A2M: variants seen among roughly 807,000 people sequenced by gnomAD.
The protein encoded by A2M is alpha-2-macroglobulin.
Under a neutral mutation model 183.9 loss-of-function variants are expected in A2M, and 128 were observed. The observed-to-expected ratio is 0.70, with a 90% CI of 0.60 to 0.81. The LOEUF is 0.81. A2M is among the 30% of genes least tolerant of loss of function. A2M has a pLI of 0.00. For missense variants in A2M, 1,495 were observed against 1,787.6 expected, an observed-to-expected ratio of 0.84 and a Z score of 2.95; for synonymous variants, 592 against 670.8, an observed-to-expected ratio of 0.88 and a Z score of 1.81.
Position 9,101,486 on chromosome 12 carries a change from G to T in A2M, c.1455C>A (p.Gly485=). 3 of 1,613,880 alleles carry T rather than the reference G, an allele frequency of 1.9e-6. No individual in the cohort carries two copies. Among genetic ancestry groups the T allele is most frequent in the Non-Finnish European group, 2.5e-6 (3 of 1,179,852 alleles). ...AGAGCTTCTTCAGCCCCAGCAGGGT[G>T]CCTCCATTCAGAATATAATGTGCCT... ...TVQAHYILNG[G]TLLGLKKLSF... The change falls in exon 12 of 36, where the codon GGC becomes GGA. Residue 485 remains glycine (G), a synonymous_variant. Transcript: ENST00000318602.
rs778604418 is a variant in A2M at position 9,112,203 on chromosome 12, G to A, written c.439C>T (p.Arg147Cys). Residue 147 changes from arginine (R) to cysteine (C), a missense_variant, in exon 4 of 36, where the codon CGT becomes TGT. Transcript: ENST00000318602. Reference sequence around the variant, plus strand: ...AAGTTTTCATCCATGGAGACAACACGAAATTTCACTGAAACAGAAATATTT... The same window carrying A: ...AAGTTTTCATCCATGGAGACAACACAAAATTTCACTGAAACAGAAATATTT... ...IYKPGQTVKF[R>C]VVSMDENFHP... 2.9e-5 allele frequency: 46 copies of A among 1,613,710 alleles called. No homozygotes were observed. Among genetic ancestry groups the A allele is most frequent in the Middle Eastern group, 1.6e-4 (1 of 6,062 alleles).
At chr12:9,080,019 T>G in intron 23 of A2M, 75 bp downstream of exon 23, 1 of 1,050,660 alleles carries the variant, frequency 9.5e-7, no homozygotes, top group Non-Finnish European at 1.3e-6. Flanking sequence ...TTATTTTTAG[T>G]AAATATTTAT....
Position 9,095,916 on chromosome 12 carries a change from C to T in A2M, c.1852-216G>A, listed in dbSNP as rs376894163. 6.0e-3 allele frequency among the ~76,000 whole-genome samples: 914 copies of T among 151,156 alleles called. 10 individuals carry two copies. Among genetic ancestry groups the T allele is most frequent in the African/African-American group, 0.021 (865 of 41,182 alleles). ...CTGGGACTACAGGCGCCCGCCACCG[C>T]GCCCGGCTAATTTTTTGTATTTTTA... On this transcript the variant is annotated intron_variant, in intron 15 of 35. Coordinates refer to ENST00000318602, the MANE Select transcript of A2M (RefSeq NM_000014.6).
At chr12:9,094,238 C>T (rs898824541) in intron 17 of A2M, among the ~76,000 whole-genome samples, 3 of 150,746 alleles carry the variant, frequency 2.0e-5, no homozygotes, top group Admixed American at 6.6e-5. Context: ...TATTCTCTAT[C>T]GTGTCAGAAG....
chr12:9,069,806 C>A lies in A2M; in HGVS notation c.4202G>T (p.Arg1401Ile). Residue 1401 changes from arginine to isoleucine, a missense_variant, in exon 33 of 36, where the codon AGA (arginine) becomes ATA (isoleucine). Transcript: ENST00000318602. ...PLKPTVKMLE[R>I]SNHVSRTEVS... is the part of the protein sequence containing the mutation. ...TTCTGTCCGGCTCACATGGTTAGAT[C>A]TTTCAAGCTGAAGAAAATTGAAATA... 6.2e-7 allele frequency: 1 copy of A among 1,613,440 alleles called. No individual in the cohort carries two copies. Among genetic ancestry groups the A allele is most frequent in the Non-Finnish European group, 8.5e-7 (1 of 1,179,576 alleles).
intron 1 of A2M, 125 bp downstream of exon 1, chr12:9,115,639 G>A (rs746876853): frequency 1.4e-6 from 1 of 718,528 alleles, no homozygotes; most frequent in African/African-American, 1.8e-5. Context: ...TGTAAAATCT[G>A]GAAGGAATCT....
At position 9,109,380 on chromosome 12, in the gene A2M, T is replaced by C. The variant is rs1279907022; in HGVS notation, c.699A>G (p.Val233=). ...EFVLPKFEVQ[V]TVPKIITILE... is the part of the protein sequence containing the mutation. ...AGATGGTGATTATCTTTGGCACTGT[T>C]ACTTGTACTTCAAACTTGGGAAGAA... Residue 233 remains valine, a synonymous_variant, in exon 7 of 36, where the codon GTA becomes GTG. Transcript: ENST00000318602. 1 of 1,613,424 alleles carries C rather than the reference T, an allele frequency of 6.2e-7. No individual in the cohort carries two copies. Among genetic ancestry groups the C allele is most frequent in the African/African-American group, 1.3e-5 (1 of 75,040 alleles).
Position 9,077,611 on chromosome 12 carries a change from T to C in A2M, c.3276+90A>G. The C allele has an allele frequency of 3.2e-6, 5 of 1,555,134 alleles. No individual in the cohort carries two copies. In the South Asian group the frequency reaches 3.7e-5, roughly 11 times the overall value. On this transcript the variant is annotated intron_variant, in intron 26 of 35. Transcript: ENST00000318602. Reference sequence around the variant, plus strand: ...CAGGTTTTATTTTCCTCTGAGGCTTTCCCTTAGAATTTTTCACATTATCAC... The same window carrying C: ...CAGGTTTTATTTTCCTCTGAGGCTTCCCCTTAGAATTTTTCACATTATCAC...
chr12:9,078,816 A>G (rs775008106), intron 25 of A2M, among the ~76,000 whole-genome samples: 1 of 152,300 alleles, frequency 6.6e-6, no homozygotes, highest in African/African-American at 2.4e-5. Context: ...AAAATGTTTT[A>G]TATTACTGTT....
chr12:9,093,720 T>A, intron 17 of A2M, 141 bp from the exon 18 acceptor site: 1 of 501,584 alleles, frequency 2.0e-6, no homozygotes, highest in East Asian at 3.2e-5. Context: ...GGCGCTTGGG[T>A]CATCAAGGAA....
In A2M at chr12:9,113,533, C is replaced by A. The variant is rs780507265; in HGVS notation, c.97G>T (p.Val33Phe). The change falls in exon 2 of 36, where the codon GTT (valine) becomes TTT (phenylalanine). Residue 33 changes from valine to phenylalanine, a missense_variant. Val to Phe is a conservative substitution (Grantham distance 50). Transcript: ENST00000318602. ...GTGTGGAGCAGGGAGGGGACCAGAA[C>A]CATATACTGCCTGGGAATGAGACGG... ...ASVSGKPQYM[V>F]LVPSLLHTET... 1.9e-6 allele frequency: 3 copies of A among 1,613,566 alleles called. No individual in the cohort carries two copies. The highest frequency in any genetic ancestry group is 4.5e-5 in the East Asian group (2 of 44,852).
chr12:9,111,413 T>C (rs1467187990), intron 4 of A2M: 1 of 408,600 alleles, frequency 2.4e-6, no homozygotes, highest in Non-Finnish European at 4.9e-6. Context: ...GGAGTGAAAG[T>C]AGAAGCTGGG....
Position 9,101,592 on chromosome 12 carries a change from A to G in A2M, c.1349T>C (p.Leu450Pro). ...AAAGCTCTTGCTTGGGGAGAACACA[A>G]GATAAGCAGTGTGATGTGCCTCTTC... The part of the protein sequence containing the change: ...EHEEAHHTAY[L>P]VFSPSKSFVH... Residue 450 changes from leucine to proline, a missense_variant, in exon 12 of 36, where the codon CTT (leucine) becomes CCT (proline). Coordinates refer to ENST00000318602, the MANE Select transcript of A2M (RefSeq NM_000014.6). 1 of 1,614,032 alleles carries G rather than the reference A, an allele frequency of 6.2e-7. No individual in the cohort carries two copies. The highest frequency in any genetic ancestry group is 1.3e-5 in the African/African-American group (1 of 75,052).
At chr12:9,114,032 C>T (rs1272264748) in intron 1 of A2M, among the ~76,000 whole-genome samples, 1 of 152,162 alleles carries the variant, frequency 6.6e-6, no homozygotes, top group Non-Finnish European at 1.5e-5. Context: ...CGCTTCCACT[C>T]CACAGATATG....
At chr12:9,093,600 G>A in intron 17 of A2M, 21 bp from the exon 18 acceptor site, 1 of 1,391,210 alleles carries the variant, frequency 7.2e-7, no homozygotes, top group Non-Finnish European at 9.8e-7. Flanking sequence ...TGAGGAAGAA[G>A]ACATTACAAT....
rs780110389 is a variant in A2M at position 9,082,617 on chromosome 12, C to T, written c.2771-2440G>A. On this transcript the variant is annotated intron_variant, in intron 22 of 35. Coordinates refer to ENST00000318602, the MANE Select transcript of A2M (RefSeq NM_000014.6). ...AGAAGTGGCTTTCTCCTCAAATGCA[C>T]AAATAATGCAAGGACACAGGATTAT... 4.6e-5 allele frequency among the ~76,000 whole-genome samples: 7 copies of T among 152,244 alleles called. No homozygotes were observed. In the South Asian group the frequency reaches 1.5e-3, roughly 32 times the overall value.
Position 9,068,172 on chromosome 12 carries a change from G to C in A2M, c.4408+11C>G, listed in dbSNP as rs746584892. 1 of 1,612,786 alleles carries C rather than the reference G, an allele frequency of 6.2e-7. No individual in the cohort carries two copies. The highest frequency in any genetic ancestry group is 8.5e-7 in the Non-Finnish European group (1 of 1,179,662). On this transcript the variant is annotated intron_variant, in intron 35 of 35. Transcript: ENST00000318602. ...CTCTGACTGCCTTTTGGAGGAGTGTGAGTGGCTTACCTTTGCTGCAAGGAG... is the reference window on the plus strand; with the variant it reads ...CTCTGACTGCCTTTTGGAGGAGTGTCAGTGGCTTACCTTTGCTGCAAGGAG...
chr12:9,095,226 A>G (rs1405222286), intron 16 of A2M, 142 bp from the exon 17 acceptor site: 4 of 529,580 alleles, frequency 7.6e-6, no homozygotes, highest in Non-Finnish European at 1.3e-5. Flanking sequence ...AGGGATATTT[A>G]TATACTTAAG....
In A2M at chr12:9,109,874, C is replaced by A; in HGVS notation, c.666G>T (p.Glu222Asp). Residue 222 changes from glutamate to aspartate, a missense_variant, in exon 6 of 36, where the codon GAG becomes GAT. Physicochemically the swap from Glu to Asp is conservative, Grantham distance 45. Transcript: ENST00000318602. ...ACTTTTCATGATCCATACCAAATTC[C>A]TCCACGGTGAAAGGGTGCTCTGTCC... ...GGRTEHPFTV[E>D]EFVLPKFEVQ... 1 of 1,599,128 alleles carries A rather than the reference C, an allele frequency of 6.3e-7. No homozygotes were observed. The highest frequency in any genetic ancestry group is 8.5e-7 in the Non-Finnish European group (1 of 1,174,682).
Sources: gnomAD v4.1 joint callset for allele counts (sites outside exome capture counted in the v4.1 genomes callset) on GRCh38, gnomAD v4.1.1 for gene constraint, MANE v1.5 for transcripts, NCBI Gene and HGNC (gene_info 2026-07-23, HGNC 2026-07-21) for gene names.